Variants in KCTD8 observed in about 807,000 individuals in gnomAD.
KCTD8 encodes the protein potassium channel tetramerization domain containing 8.
A neutral mutation model predicts 31.5 loss-of-function variants in KCTD8; 27 were observed. The ratio of observed to expected loss-of-function variants is 0.86; its 90% CI spans 0.63 to 1.18. The LOEUF (loss-of-function observed/expected upper bound fraction) is 1.18, where lower values mean the gene tolerates loss of function less well. Ranked by LOEUF, KCTD8 falls within the 50% of genes most tolerant of loss-of-function variation. The probability of loss-of-function intolerance (pLI) is 0.00; values close to 1 mark genes in which losing one functional copy is unlikely to be tolerated. For missense variants in KCTD8, 658 were observed against 647.7 expected, an observed-to-expected ratio of 1.02 and a Z score of -0.17; for synonymous variants, 290 against 280.0, an observed-to-expected ratio of 1.04 and a Z score of -0.36.
chr4:44,177,082 G>A (rs2109327955), intron 1 of KCTD8, among the ~76,000 whole-genome samples: 1 of 152,234 alleles, frequency 6.6e-6, no homozygotes, highest in East Asian at 1.9e-4. Flanking sequence ...CTCTGTCAGG[G>A]AGAGTCAGCT....
At chr4:44,268,953 C>A (rs188128064) in intron 1 of KCTD8, among the ~76,000 whole-genome samples, 1 of 152,064 alleles carries the variant, frequency 6.6e-6, no homozygotes, top group African/African-American at 2.4e-5. Flanking sequence ...ATTGTGAAAA[C>A]GGCCATCCTG....
intron 1 of KCTD8, among the ~76,000 whole-genome samples, chr4:44,175,587 A>G (rs1347708949): frequency 1.3e-5 from 2 of 152,230 alleles, no homozygotes; most frequent in African/African-American, 4.8e-5. Context: ...ATAAAAAAAA[A>G]TGTAATGTTT....
intron 1 of KCTD8, among the ~76,000 whole-genome samples, chr4:44,300,748 G>C (rs910446501): frequency 6.6e-6 from 1 of 151,784 alleles, no homozygotes; most frequent in African/African-American, 2.4e-5. Flanking sequence ...TAAGTTTTAG[G>C]GTACACGTGC....
chr4:44,361,731 A>G (rs1332180025), intron 1 of KCTD8, among the ~76,000 whole-genome samples: 1 of 152,110 alleles, frequency 6.6e-6, no homozygotes, highest in East Asian at 1.9e-4. Flanking sequence ...ATGAGAGGTA[A>G]TCTTGAAATA....
At chr4:44,296,651 C>A (rs1258311300) in intron 1 of KCTD8, among the ~76,000 whole-genome samples, 2 of 152,030 alleles carry the variant, frequency 1.3e-5, no homozygotes, top group Non-Finnish European at 2.9e-5. Context: ...TTACTCTATT[C>A]CTCTACTAAC....
chr4:44,282,863 C>G (rs1716938062), intron 1 of KCTD8, among the ~76,000 whole-genome samples: 1 of 151,920 alleles, frequency 6.6e-6, no homozygotes, highest in African/African-American at 2.4e-5. Context: ...GAAGAAAAGT[C>G]TGAAGCTAGC....
intron 1 of KCTD8, among the ~76,000 whole-genome samples, chr4:44,224,889 T>C (rs1381714800): frequency 2.5e-5 from 1 of 40,062 alleles, no homozygotes; most frequent in Non-Finnish European, 4.6e-5. Context: ...GAAGAGGTAC[T>C]GGAGAAGGAG....
intron 1 of KCTD8, among the ~76,000 whole-genome samples, chr4:44,290,826 G>A (rs1190989054): frequency 6.6e-6 from 1 of 152,010 alleles, no homozygotes; most frequent in Non-Finnish European, 1.5e-5. Context: ...TAAGGGGAAA[G>A]TTTATAGAAA....
At chr4:44,424,255 T>C (rs1176527395) in intron 1 of KCTD8, among the ~76,000 whole-genome samples, 1 of 152,004 alleles carries the variant, frequency 6.6e-6, no homozygotes, top group African/African-American at 2.4e-5. Context: ...CCCCAACACT[T>C]CCTCTGGTCA....
intron 1 of KCTD8, among the ~76,000 whole-genome samples, chr4:44,427,088 C>T (rs976865076): frequency 2.0e-4 from 31 of 151,338 alleles, no homozygotes; most frequent in Non-Finnish European, 3.5e-4. Flanking sequence ...ATTGAATATA[C>T]ATTTTAAAAC....
intron 1 of KCTD8, among the ~76,000 whole-genome samples, chr4:44,250,299 T>C (rs1366540261): frequency 3.3e-5 from 5 of 151,810 alleles, no homozygotes; most frequent in Admixed American, 6.6e-5. Flanking sequence ...TATGGTGTTA[T>C]CTGAGTTAGT....
At chr4:44,204,124 A>C (rs891424482) in intron 1 of KCTD8, among the ~76,000 whole-genome samples, 1 of 152,088 alleles carries the variant, frequency 6.6e-6, no homozygotes, top group African/African-American at 2.4e-5. Flanking sequence ...GTTCTAAATA[A>C]ATTTTGAATA....
intron 1 of KCTD8, among the ~76,000 whole-genome samples, chr4:44,222,927 G>A (rs904465297): frequency 1.3e-5 from 2 of 152,290 alleles, no homozygotes; most frequent in African/African-American, 2.4e-5. Context: ...ATATGGTTAA[G>A]AGACCCATCA....
chr4:44,202,517 T>G (rs1714180460), intron 1 of KCTD8, among the ~76,000 whole-genome samples: 1 of 152,172 alleles, frequency 6.6e-6, no homozygotes, highest in African/African-American at 2.4e-5. Context: ...CTAAGCAATT[T>G]TATGCAGAAA....
chr4:44,318,214 T>C (rs920735152), intron 1 of KCTD8, among the ~76,000 whole-genome samples: 3 of 152,242 alleles, frequency 2.0e-5, no homozygotes, highest in African/African-American at 4.8e-5. Context: ...ATCATTGTAA[T>C]GATGTCATAC....
intron 1 of KCTD8, among the ~76,000 whole-genome samples, chr4:44,384,848 C>T (rs1720165415): frequency 6.6e-6 from 1 of 151,456 alleles, no homozygotes; most frequent in Non-Finnish European, 1.5e-5. Context: ...GCTAATTACC[C>T]CAATTTTATC....
At chr4:44,346,031 G>T (rs955961583) in intron 1 of KCTD8, among the ~76,000 whole-genome samples, 1 of 152,046 alleles carries the variant, frequency 6.6e-6, no homozygotes, top group African/African-American at 2.4e-5. Context: ...TAATTTATAT[G>T]GTTATGCTGT....
At position 44,413,928 on chromosome 4, in the gene KCTD8, G is replaced by C. The variant is rs1235191568; in HGVS notation, c.961+33635C>G. On this transcript the variant is annotated intron_variant, in intron 1 of 1. Coordinates refer to ENST00000360029, the MANE Select transcript of KCTD8 (RefSeq NM_198353.3). ...GAGATTGATTTGAGGATGCTACACT[G>C]CTGGCTTTGATGACAGAAGGAAGCC... Among the ~76,000 whole-genome samples the C allele has an allele frequency of 2.0e-5, 3 of 152,122 alleles. No individual in the cohort carries two copies. In the East Asian group the frequency reaches 5.8e-4, roughly 29 times the overall value.
At chr4:44,338,417 A>T (rs1718811308) in intron 1 of KCTD8, among the ~76,000 whole-genome samples, 1 of 152,208 alleles carries the variant, frequency 6.6e-6, no homozygotes, top group South Asian at 2.1e-4. Flanking sequence ...TCTCTAGGAA[A>T]ACTATTCAGT....
Sources: gnomAD v4.1 joint callset for allele counts (sites outside exome capture counted in the v4.1 genomes callset) on GRCh38, gnomAD v4.1.1 for gene constraint, MANE v1.5 for transcripts, NCBI Gene and HGNC (gene_info 2026-07-23, HGNC 2026-07-21) for gene names.